CHD1: variants seen among roughly 807,000 people sequenced by gnomAD.
CHD1 encodes the protein chromodomain helicase DNA binding protein 1, also known as ATP-dependent chromatin remodeler CHD1.
A neutral mutation model predicts 224.2 loss-of-function variants in CHD1; 36 were observed. That is an observed-to-expected ratio of 0.16 (90% CI 0.12 to 0.21). The LOEUF (loss-of-function observed/expected upper bound fraction) is 0.21, where lower values mean the gene tolerates loss of function less well. Ranked by LOEUF, CHD1 falls within the 10% of genes least tolerant of loss-of-function variation. CHD1 has a pLI of 1.00. For synonymous variants in CHD1, 668 were observed against 658.3 expected, an observed-to-expected ratio of 1.01 and a Z score of -0.23; for missense variants, 1,378 against 1,994.8, an observed-to-expected ratio of 0.69 and a Z score of 5.89.
chr5:98,859,666 T>C (rs1003985599), intron 33 of CHD1, among the ~76,000 whole-genome samples: 3 of 152,142 alleles, frequency 2.0e-5, no homozygotes, highest in Non-Finnish European at 2.9e-5. Flanking sequence ...GTCTTAACTA[T>C]TGGTGACATT....
At chr5:98,889,802 GA>G (rs1432206026) in intron 15 of CHD1, 1 of 152,012 alleles carries the variant, frequency 6.6e-6, no homozygotes, top group African/African-American at 2.4e-5. Flanking sequence ...ATACAAGGAT[GA>G]CATGCAAATC....
chr5:98,863,665 T>G, intron 31 of CHD1, 79 bp from the exon 32 acceptor site: 3 of 900,766 alleles, frequency 3.3e-6, no homozygotes, highest in Non-Finnish European at 5.1e-6. Flanking sequence ...TTCAATGATA[T>G]TTACATGAGT....
intron 2 of CHD1, among the ~76,000 whole-genome samples, chr5:98,910,242 G>T (rs1385744696): frequency 2.0e-5 from 3 of 151,956 alleles, no homozygotes; most frequent in African/African-American, 7.3e-5. Flanking sequence ...GGTTGCAAAT[G>T]GCACTATTTA....
chr5:98,869,853 A>C lies in CHD1; in HGVS notation c.4008T>G (p.Ala1336=), dbSNP rs202123710. The C allele has an allele frequency of 2.2e-5, 35 of 1,606,788 alleles. No homozygotes were observed. In the East Asian group the frequency reaches 7.6e-4, roughly 35 times the overall value. ...AGSSKRRKAR[A]KKNKAMKSIK... ...TAGACTTCATTGCTTTATTCTTCTT[A>C]GCTCTTGCTTTTCTCCTCTTTGAAC... Residue 1336 remains alanine (A), a synonymous_variant, in exon 30 of 36, where the codon GCT becomes GCG. Coordinates refer to ENST00000614616, the MANE Select transcript of CHD1 (RefSeq NM_001270.4).
intron 2 of CHD1, among the ~76,000 whole-genome samples, chr5:98,923,031 A>G (rs1443508411): frequency 6.6e-6 from 1 of 152,216 alleles, no homozygotes; most frequent in Admixed American, 6.5e-5. Flanking sequence ...ATTCATAGTT[A>G]TAGAAACTTT....
chr5:98,866,584 T>G (rs1036822498), intron 31 of CHD1, among the ~76,000 whole-genome samples: 1 of 152,180 alleles, frequency 6.6e-6, no homozygotes, highest in Non-Finnish European at 1.5e-5. Flanking sequence ...TGATTAATAC[T>G]AGTGATAAAG....
rs761712321 is a variant in CHD1 at position 98,869,844 on chromosome 5, ATTC to A, written c.4014_4016del (p.Lys1338del). ...TCACTTTTATAGACTTCATTGCTTT[ATTC>A]TTCTTAGCTCTTGCTTTTCTCCTCT... On this transcript the variant is annotated inframe_deletion, in exon 30 of 36. Transcript: ENST00000614616. The A allele has an allele frequency of 1.1e-4, 172 of 1,608,560 alleles. No individual in the cohort carries two copies. Among genetic ancestry groups the A allele is most frequent in the Non-Finnish European group, 1.4e-4 (161 of 1,175,426 alleles).
intron 2 of CHD1, among the ~76,000 whole-genome samples, chr5:98,908,490 T>C (rs1255314561): frequency 6.6e-6 from 1 of 152,182 alleles, no homozygotes; most frequent in Non-Finnish European, 1.5e-5. Flanking sequence ...GCTGCTCTTA[T>C]GTCAAGCATT....
At chr5:98,886,391 G>A (rs897640788) in intron 17 of CHD1, among the ~76,000 whole-genome samples, 2 of 152,160 alleles carry the variant, frequency 1.3e-5, no homozygotes, top group African/African-American at 4.8e-5. Context: ...AGACTATAGA[G>A]AACTCAGTGA....
chr5:98,872,022 G>A, intron 28 of CHD1, 29 bp downstream of exon 28: 1 of 1,548,530 alleles, frequency 6.5e-7, no homozygotes, highest in Non-Finnish European at 8.8e-7. Context: ...CAACATGAAT[G>A]GTTAACAGAA....
At chr5:98,919,865 A>G (rs77111524) in intron 2 of CHD1, among the ~76,000 whole-genome samples, 2,293 of 152,286 alleles carry the variant, frequency 0.015, 24 homozygotes, top group Non-Finnish European at 0.025. Flanking sequence ...TGACACTTGA[A>G]TATCAACAAG....
At chr5:98,909,561 G>A (rs1219409284) in intron 2 of CHD1, among the ~76,000 whole-genome samples, 1 of 152,016 alleles carries the variant, frequency 6.6e-6, no homozygotes, top group East Asian at 1.9e-4. Context: ...ATTAATAAGA[G>A]GCAGTAAAAT....
At chr5:98,889,372 T>G in intron 15 of CHD1, 134 bp from the exon 16 acceptor site, 2 of 606,508 alleles carry the variant, frequency 3.3e-6, no homozygotes, top group Non-Finnish European at 2.8e-6. Context: ...TTCACAGCTG[T>G]ATATACAACG....
At chr5:98,867,877 ACAGCAACCT>A (rs1749016367) in intron 31 of CHD1, among the ~76,000 whole-genome samples, 1 of 142,468 alleles carries the variant, frequency 7.0e-6, no homozygotes, top group African/African-American at 2.6e-5. Flanking sequence ...ATCTCAGCTC[ACAGCAACCT>A]CAGCCTTCCA....
In CHD1 at chr5:98,924,578, C is replaced by G. The variant is rs112880180; in HGVS notation, c.53+1756G>C. On this transcript the variant is annotated intron_variant, in intron 2 of 35. Coordinates refer to ENST00000614616, the MANE Select transcript of CHD1 (RefSeq NM_001270.4). ...AATACTTGTTCAAGTAATAATGCTG[C>G]TTTCCATAACTGTTCCTTATTTTAT... Among the ~76,000 whole-genome samples, 715 of 152,340 alleles carry G rather than the reference C, an allele frequency of 4.7e-3. 8 individuals carry two copies. Among genetic ancestry groups the G allele is most frequent in the African/African-American group, 0.016 (657 of 41,564 alleles).
chr5:98,898,587 A>C (rs1751492838), intron 9 of CHD1, 77 bp downstream of exon 9: 2 of 1,232,484 alleles, frequency 1.6e-6, no homozygotes, highest in African/African-American at 3.0e-5. Flanking sequence ...TTTGATATGT[A>C]AGTGGCAAAC....
chr5:98,878,995 G>T (rs1749970942), intron 23 of CHD1, among the ~76,000 whole-genome samples: 1 of 152,152 alleles, frequency 6.6e-6, no homozygotes, highest in East Asian at 1.9e-4. Flanking sequence ...ATTTTGGTAG[G>T]CCAAGGCAGA....
chr5:98,911,636 T>C (rs1056048821), intron 2 of CHD1, among the ~76,000 whole-genome samples: 2 of 152,180 alleles, frequency 1.3e-5, no homozygotes, highest in African/African-American at 4.8e-5. Context: ...ACAAACAATG[T>C]GAGCTCCAGC....
At position 98,899,277 on chromosome 5, in the gene CHD1, G is replaced by GT. The variant is rs202163500; in HGVS notation, c.1085+202dup. 3.1e-3 allele frequency among the ~76,000 whole-genome samples: 478 copies of GT among 151,820 alleles called. 2 individuals carry two copies. Among genetic ancestry groups the GT allele is most frequent in the African/African-American group, 0.011 (451 of 41,408 alleles). ...ATTGTTTTTAATTTGTGTTATTGTT[G>GT]TTTTTTTTCCCTCCGAATACTTTCA... On this transcript the variant is annotated intron_variant, in intron 8 of 35. Transcript: ENST00000614616.
Sources: gnomAD v4.1 joint callset for allele counts (sites outside exome capture counted in the v4.1 genomes callset) on GRCh38, gnomAD v4.1.1 for gene constraint, MANE v1.5 for transcripts, NCBI Gene and HGNC (gene_info 2026-07-23, HGNC 2026-07-21) for gene names.